APTX: variants seen among roughly 807,000 people sequenced by gnomAD.
APTX encodes the protein forkhead-associated domain histidine triad-like protein.
A neutral mutation model predicts 42.3 loss-of-function variants in APTX; 33 were observed. The observed-to-expected ratio is 0.78, with a 90% CI of 0.59 to 1.04. The LOEUF is 1.04. Ranked by LOEUF, APTX falls within the 50% of genes least tolerant of loss-of-function variation. The pLI, the probability that APTX is intolerant of heterozygous loss-of-function variation, is 0.00. For missense variants in APTX, 421 were observed against 415.1 expected, an observed-to-expected ratio of 1.01 and a Z score of -0.12; for synonymous variants, 130 against 146.7, an observed-to-expected ratio of 0.89 and a Z score of 0.82.
At chr9:33,024,986 A>C in intron 1 of APTX, 1 of 151,660 alleles carries the variant, frequency 6.6e-6, no homozygotes, top group East Asian at 1.9e-4. Flanking sequence ...AGGTTTGGGA[A>C]CCCTAGGACT....
rs1349826711 is a variant in APTX at position 33,013,485 on chromosome 9, A to C, written c.-5+11538T>G. Reference sequence around the variant, plus strand: ...TCATCACAACTTCTTCACGATGAAGACAACATCATGACTAGGCAGGTAGGA... The same window carrying C: ...TCATCACAACTTCTTCACGATGAAGCCAACATCATGACTAGGCAGGTAGGA... On this transcript the variant is annotated intron_variant, in intron 1 of 6. Transcript: ENST00000436040. 2.0e-5 allele frequency among the ~76,000 whole-genome samples: 3 copies of C among 152,206 alleles called. No homozygotes were observed. The South Asian group carries it at 6.2e-4, about 32-fold the overall frequency.
intron 1 of APTX, among the ~76,000 whole-genome samples, chr9:33,012,779 C>T (rs1308199739): frequency 6.6e-6 from 1 of 152,162 alleles, no homozygotes; most frequent in Non-Finnish European, 1.5e-5. Context: ...CCTTAAGTCA[C>T]CAATTTTGAG....
At position 32,990,160 on chromosome 9, in the gene APTX, CATTT is replaced by C. The variant is rs200665697; in HGVS notation, c.-4-269_-4-266del. The stretch of plus-strand genomic sequence containing the variant: ...GCTAGGCAATCAAATATTTATTACA[CATTT>C]ATTTATTTATTTATTTTATTTATTT... On this transcript the variant is annotated intron_variant, in intron 1 of 7. Transcript: ENST00000379817. The C allele has an allele frequency of 4.0e-3, 1,688 of 423,910 alleles. 19 individuals carry two copies. Among genetic ancestry groups the C allele is most frequent in the African/African-American group, 0.028 (1,406 of 49,696 alleles). 26.3% of individuals were successfully genotyped at this position (423,910 alleles called of 1,614,324 possible). A position where few individuals can be genotyped will look rare whatever the true frequency, so the allele number is the denominator to read the frequency against.
rs1833045919 is a variant in APTX at position 32,989,560 on chromosome 9, C to G, written c.133+199G>C. On this transcript the variant is annotated intron_variant, in intron 2 of 7. Coordinates refer to ENST00000379817, the MANE Select transcript of APTX (RefSeq NM_001195248.2). Reference sequence around the variant, plus strand: ...TTGACTGCTCCCAACCTTCACCCACCCTGCCTTGAACATTATCACATTGGG... The same window carrying G: ...TTGACTGCTCCCAACCTTCACCCACGCTGCCTTGAACATTATCACATTGGG... 10 of 811,758 alleles carry G rather than the reference C, an allele frequency of 1.2e-5. No individual in the cohort carries two copies. The East Asian group carries it at 2.7e-4, about 22-fold the overall frequency. 50.3% of individuals were successfully genotyped at this position (811,758 alleles called of 1,614,324 possible). A position where few individuals can be genotyped will look rare whatever the true frequency, so the allele number is the denominator to read the frequency against.
Position 32,974,572 on chromosome 9 carries a change from GAA to G in APTX, c.771-13_771-12del, listed in dbSNP as rs34600530. The G allele has an allele frequency of 7.3e-7, 1 of 1,369,106 alleles. No individual in the cohort carries two copies. Among genetic ancestry groups the G allele is most frequent in the Non-Finnish European group, 1.0e-6 (1 of 975,228 alleles). The allele number at this position is 1,369,106 out of a possible 1,614,324, so 84.8% of individuals were successfully genotyped here. A position where few individuals can be genotyped will look rare whatever the true frequency, so the allele number is the denominator to read the frequency against. On this transcript the variant is annotated splice_polypyrimidine_tract_variant and intron_variant, in intron 6 of 7. Transcript: ENST00000379817. ...TGAAGATGTACATGGCTAGTTGAAAGAAAAAAAAACTGAGCATTAAACTCTTT... is the reference window on the plus strand; with the variant it reads ...TGAAGATGTACATGGCTAGTTGAAAGAAAAAAACTGAGCATTAAACTCTTT...
rs572308162 is a variant in APTX at position 32,989,840 on chromosome 9, T to G, written c.52A>C (p.Arg18=). The G allele has an allele frequency of 1.1e-5, 18 of 1,614,270 alleles. No individual in the cohort carries two copies. In the African/African-American group the frequency reaches 2.1e-4, roughly 19 times the overall value. The change falls in exon 2 of 8, where the codon AGA becomes CGA. Residue 18 remains arginine, a synonymous_variant. Transcript: ENST00000379817. ...VRQDSRHQRI[R]LPHLEAVVIG... is the part of the protein sequence containing the mutation. Reference sequence around the variant, plus strand: ...ACAACTGCTTCCAAATGTGGAAGTCTGATTCGCTGGTGCCGGCTGTCCTGT... The same window carrying G: ...ACAACTGCTTCCAAATGTGGAAGTCGGATTCGCTGGTGCCGGCTGTCCTGT...
intron 1 of APTX, among the ~76,000 whole-genome samples, chr9:33,023,778 G>A (rs1838603878): frequency 6.6e-6 from 1 of 152,238 alleles, no homozygotes; most frequent in South Asian, 2.1e-4. Flanking sequence ...AAAGGCTGAA[G>A]AGGCAGCATG....
In APTX at chr9:32,986,032, T is replaced by TAAAAAAAAACAAAAAAAAAAAAAAAAA; in HGVS notation, c.484-3_484-2insTTTTTTTTTTTTTTTTTGTTTTTTTTT. On this transcript the variant is annotated splice_polypyrimidine_tract_variant and splice_region_variant and intron_variant, in intron 4 of 7. Coordinates refer to ENST00000379817, the MANE Select transcript of APTX (RefSeq NM_001195248.2). The stretch of plus-strand genomic sequence containing the variant: ...TTGACTCCAGTGGCCCAGGGATTCC[T>TAAAAAAAAACAAAAAAAAAAAAAAAAA]AAAAAAAAAACAAAAAAAAAAACAA... The TAAAAAAAAACAAAAAAAAAAAAAAAAA allele has an allele frequency of 1.6e-5, 12 of 732,426 alleles. No homozygotes were observed. Among genetic ancestry groups the TAAAAAAAAACAAAAAAAAAAAAAAAAA allele is most frequent in the East Asian group, 8.0e-5 (2 of 24,910 alleles). 45.4% of individuals were successfully genotyped at this position (732,426 alleles called of 1,614,324 possible).
At chr9:33,001,052 G>A (rs894892510) in intron 1 of APTX, among the ~76,000 whole-genome samples, 3 of 151,836 alleles carry the variant, frequency 2.0e-5, no homozygotes, top group Admixed American at 1.3e-4. Context: ...TCTCCATGTC[G>A]GTCAGGCTGG....
chr9:32,990,653 T>C (rs1212681839), intron 1 of APTX, among the ~76,000 whole-genome samples: 1 of 152,138 alleles, frequency 6.6e-6, no homozygotes, highest in Non-Finnish European at 1.5e-5. Flanking sequence ...TAACCAAATA[T>C]GGCATTAGCC....
chr9:33,000,625 C>CAAAAAAAAAAAAAA (rs60760701), intron 1 of APTX, among the ~76,000 whole-genome samples: 21 of 63,428 alleles, frequency 3.3e-4, no homozygotes, highest in South Asian at 7.5e-4. Flanking sequence ...GACTCTGTCT[C>CAAAAAAAAAAAAAA]AAAAAAAAAA....
chr9:32,995,421 A>G, intron 1 of APTX, among the ~76,000 whole-genome samples: 1 of 152,238 alleles, frequency 6.6e-6, no homozygotes, highest in South Asian at 2.1e-4. Flanking sequence ...CTCCCAATAT[A>G]GCAGAAATAA....
intron 1 of APTX, among the ~76,000 whole-genome samples, chr9:33,000,720 T>C (rs961355579): frequency 2.6e-5 from 4 of 151,330 alleles, no homozygotes; most frequent in Admixed American, 2.6e-4. Context: ...ATCTGTATTG[T>C]CTCACATATG....
At chr9:33,002,961 A>G (rs1199938565), upstream of APTX, among the ~76,000 whole-genome samples, 2 of 152,200 alleles carry the variant, frequency 1.3e-5, no homozygotes, top group Non-Finnish European at 2.9e-5. Flanking sequence ...GGTTTATATT[A>G]GGGTCATATA....
intron 7 of APTX, 82 bp downstream of exon 7, chr9:32,974,376 G>A (rs1239433096): frequency 4.2e-6 from 4 of 942,966 alleles, no homozygotes; most frequent in East Asian, 2.5e-5. Context: ...AGGTCAGACT[G>A]TTATTCAGGG....
intron 1 of APTX, among the ~76,000 whole-genome samples, chr9:33,012,795 C>A (rs1587651792): frequency 6.6e-6 from 1 of 152,198 alleles, no homozygotes; most frequent in African/African-American, 2.4e-5. Flanking sequence ...TTGAGGGCAG[C>A]TTGCTAAACA....
At chr9:33,010,517 C>G (rs1484235589) in intron 1 of APTX, among the ~76,000 whole-genome samples, 1 of 151,902 alleles carries the variant, frequency 6.6e-6, no homozygotes, top group African/African-American at 2.4e-5. Context: ...GTCAGAAGTT[C>G]AAGACCAGCC....
chr9:33,024,840 A>G (rs1838724456), intron 1 of APTX: 1 of 120,056 alleles, frequency 8.3e-6, no homozygotes, highest in Admixed American at 1.0e-4. Context: ...CGTTCCCAAA[A>G]AGAGAAGAGG....
chr9:32,984,846 A>T lies in APTX; in HGVS notation c.555T>A (p.Asp185Glu). The T allele has an allele frequency of 6.2e-7, 1 of 1,614,050 alleles. No individual in the cohort carries two copies. The highest frequency in any genetic ancestry group is 8.5e-7 in the Non-Finnish European group (1 of 1,179,862). ...MQDPKMQVYK[D>E]EQVVVIKDKY... ...TATCCTTTATCACCACCACCTGCTC[A>T]TCTTTGTAAACCTAGCAGAGGGATA... Residue 185 changes from aspartate (D) to glutamate (E), a missense_variant, in exon 6 of 8, where the codon GAT becomes GAA. Coordinates refer to ENST00000379817, the MANE Select transcript of APTX (RefSeq NM_001195248.2).
Sources: allele counts gnomAD v4.1 joint callset (sites outside exome capture counted in the v4.1 genomes callset), GRCh38; gene constraint gnomAD v4.1.1; transcripts MANE v1.5; gene names NCBI Gene and HGNC (gene_info 2026-07-23, HGNC 2026-07-21).